RBFOX1: variants seen among roughly 807,000 people sequenced by gnomAD.
The protein encoded by RBFOX1 is RNA binding protein fox-1 homolog 1.
In RBFOX1, 8 loss-of-function variants were observed where a neutral mutation model predicts 57.7. The ratio of observed to expected loss-of-function variants is 0.14; its 90% CI spans 0.08 to 0.25. The LOEUF (loss-of-function observed/expected upper bound fraction) is 0.25, where lower values mean the gene tolerates loss of function less well. Among genes scored for constraint, RBFOX1 ranks in the 10% least tolerant of loss-of-function variants. The pLI, the probability that RBFOX1 is intolerant of heterozygous loss-of-function variation, is 1.00. For missense variants in RBFOX1, 611 were observed against 548.5 expected, an observed-to-expected ratio of 1.11 and a Z score of -1.14; for synonymous variants, 326 against 222.4, an observed-to-expected ratio of 1.47 and a Z score of -4.15.
chr16:7,315,009 A>T lies in RBFOX1; in HGVS notation c.28-203138A>T, dbSNP rs147419016. Reference sequence around the variant, plus strand: ...AACCTCCGCTTTTATTTTTTTCCTAATTGGAAGAAAACAAATCATAACCTC... The same window carrying T: ...AACCTCCGCTTTTATTTTTTTCCTATTTGGAAGAAAACAAATCATAACCTC... On this transcript the variant is annotated intron_variant, in intron 4 of 15. Transcript: ENST00000550418. 1.4e-3 allele frequency among the ~76,000 whole-genome samples: 215 copies of T among 152,216 alleles called. 1 individual carries two copies. Among genetic ancestry groups the T allele is most frequent in the East Asian group, 0.013 (66 of 5,184 alleles).
intron 1 of RBFOX1, among the ~76,000 whole-genome samples, chr16:6,116,894 A>T (rs76085706): frequency 1.3e-5 from 2 of 152,200 alleles, no homozygotes; most frequent in East Asian, 3.9e-4. Context: ...AAGAGATAAG[A>T]TGAAATTGGG....
In RBFOX1 at chr16:7,427,063, A is replaced by G. The variant is rs72656681; in HGVS notation, c.28-91084A>G. On this transcript the variant is annotated intron_variant, in intron 4 of 15. Transcript: ENST00000550418. ...CTCACTCATAGGTGGGAACTGAACA[A>G]TGAGAACACTTGGACACAAGGTGGG... 7.9e-4 allele frequency among the ~76,000 whole-genome samples: 121 copies of G among 152,330 alleles called. 3 individuals are homozygous for G. The South Asian group carries it at 0.018, about 22-fold the overall frequency.
At position 7,161,350 on chromosome 16, in the gene RBFOX1, T is replaced by G. The variant is rs182270226; in HGVS notation, c.27+109252T>G. 3.7e-3 allele frequency among the ~76,000 whole-genome samples: 570 copies of G among 152,326 alleles called. 2 individuals carry two copies. Among genetic ancestry groups the G allele is most frequent in the African/African-American group, 0.013 (536 of 41,568 alleles). On this transcript the variant is annotated intron_variant, in intron 4 of 15. Transcript: ENST00000550418. ...TGAATGTTCTTTATGCTTTTAGCAT[T>G]GCTTTAAAATGGATAACAAAATTCA...
chr16:7,157,451 C>G (rs552176243), intron 4 of RBFOX1, among the ~76,000 whole-genome samples: 70 of 152,024 alleles, frequency 4.6e-4, no homozygotes, highest in Admixed American at 2.6e-3. Context: ...AATGTTATGG[C>G]AGCAGATAGG....
intron 2 of RBFOX1, among the ~76,000 whole-genome samples, chr16:6,612,330 C>T (rs953283929): frequency 1.3e-5 from 2 of 152,154 alleles, no homozygotes; most frequent in African/African-American, 4.8e-5. Context: ...ACAAACTAAA[C>T]TGCAGGCATA....
At chr16:6,534,738 G>A (rs764671489) in intron 2 of RBFOX1, among the ~76,000 whole-genome samples, 2 of 152,126 alleles carry the variant, frequency 1.3e-5, no homozygotes, top group Non-Finnish European at 2.9e-5. Context: ...AGAGGGAGAA[G>A]GGAATTTTCT....
intron 1 of RBFOX1, among the ~76,000 whole-genome samples, chr16:5,342,192 C>G (rs1043787139): frequency 2.0e-5 from 3 of 152,182 alleles, no homozygotes; most frequent in African/African-American, 4.8e-5. Context: ...TTGTTTTACT[C>G]TTACCTTTCA....
chr16:5,653,825 G>C (rs1414730244), intron 3 of RBFOX1, among the ~76,000 whole-genome samples: 5 of 152,210 alleles, frequency 3.3e-5, no homozygotes, highest in African/African-American at 1.2e-4. Flanking sequence ...CTCTTAGAAT[G>C]GATGCTGGGT....
chr16:5,816,340 A>G (rs188300280), intron 3 of RBFOX1, among the ~76,000 whole-genome samples: 2 of 152,158 alleles, frequency 1.3e-5, no homozygotes, highest in Non-Finnish European at 2.9e-5. Context: ...CCTTCCAGGT[A>G]CTTTGGATTC....
At chr16:5,581,140 A>G (rs1459661214) in intron 2 of RBFOX1, among the ~76,000 whole-genome samples, 1 of 152,184 alleles carries the variant, frequency 6.6e-6, no homozygotes, top group African/African-American at 2.4e-5. Flanking sequence ...AGAAGGGGGC[A>G]GGGCTTTCTT....
At chr16:6,362,039 C>A (rs1191796364) in intron 2 of RBFOX1, among the ~76,000 whole-genome samples, 1 of 152,026 alleles carries the variant, frequency 6.6e-6, no homozygotes, top group Admixed American at 6.6e-5. Context: ...TTCTAGTGTC[C>A]TGAAGCAAAT....
chr16:7,694,918 A>G (rs1022111607), intron 14 of RBFOX1, among the ~76,000 whole-genome samples: 2 of 152,194 alleles, frequency 1.3e-5, no homozygotes, highest in African/African-American at 4.8e-5. Flanking sequence ...TGCATGTTCC[A>G]GTATGTTAGG....
At chr16:6,192,976 A>G (rs931352974) in intron 1 of RBFOX1, among the ~76,000 whole-genome samples, 2 of 152,218 alleles carry the variant, frequency 1.3e-5, no homozygotes, top group African/African-American at 4.8e-5. Context: ...TGGAACTGGT[A>G]GCCTGAAAAA....
chr16:5,737,062 G>T (rs1350614799), intron 3 of RBFOX1, among the ~76,000 whole-genome samples: 1 of 152,030 alleles, frequency 6.6e-6, no homozygotes, highest in South Asian at 2.1e-4. Flanking sequence ...TGAGTGAGGG[G>T]TACTGAGAGT....
Position 7,078,038 on chromosome 16 carries a change from C to G in RBFOX1, c.27+25940C>G, listed in dbSNP as rs115474272. On this transcript the variant is annotated intron_variant, in intron 4 of 15. Coordinates refer to ENST00000550418, the MANE Select transcript of RBFOX1 (RefSeq NM_018723.4). ...TTACCTCCATCACTGCTAAGACAGACAAACACCTTTTGAGATTTTCCTGCC... is the reference window on the plus strand; with the variant it reads ...TTACCTCCATCACTGCTAAGACAGAGAAACACCTTTTGAGATTTTCCTGCC... Among the ~76,000 whole-genome samples the G allele has an allele frequency of 4.3e-3, 657 of 152,284 alleles. 3 individuals carry two copies. The highest frequency in any genetic ancestry group is 0.014 in the African/African-American group (599 of 41,556).
intron 2 of RBFOX1, among the ~76,000 whole-genome samples, chr16:5,499,293 T>C (rs551972454): frequency 2.6e-5 from 4 of 152,202 alleles, no homozygotes; most frequent in Non-Finnish European, 5.9e-5. Context: ...ACTTCTGTAG[T>C]GTGGCTGGTC....
At chr16:7,287,878 T>C (rs1356190428) in intron 4 of RBFOX1, among the ~76,000 whole-genome samples, 1 of 152,240 alleles carries the variant, frequency 6.6e-6, no homozygotes, top group African/African-American at 2.4e-5. Flanking sequence ...TGTGCATTTT[T>C]CTGCTTCTTA....
At chr16:7,246,315 T>G (rs113017751) in intron 4 of RBFOX1, among the ~76,000 whole-genome samples, 1 of 152,278 alleles carries the variant, frequency 6.6e-6, no homozygotes, top group East Asian at 1.9e-4. Context: ...GCACCCTCCC[T>G]GGATTCCCTG....
At chr16:5,394,869 A>T (rs1194044541) in intron 1 of RBFOX1, among the ~76,000 whole-genome samples, 2 of 151,458 alleles carry the variant, frequency 1.3e-5, no homozygotes, top group Non-Finnish European at 2.9e-5. Flanking sequence ...TTTCCTTATT[A>T]TGGCATCTGC....
Sources: gnomAD v4.1 joint callset for allele counts (sites outside exome capture counted in the v4.1 genomes callset) on GRCh38, gnomAD v4.1.1 for gene constraint, MANE v1.5 for transcripts, NCBI Gene and HGNC (gene_info 2026-07-23, HGNC 2026-07-21) for gene names.